Variants in ADAT1 observed in about 807,000 individuals in gnomAD.
ADAT1 encodes the protein tRNA-specific adenosine deaminase 1.
In ADAT1, 58 loss-of-function variants were observed where a neutral mutation model predicts 58.6. That is an observed-to-expected ratio of 0.99 (90% CI 0.80 to 1.23). The LOEUF (loss-of-function observed/expected upper bound fraction) is 1.23, where lower values mean the gene tolerates loss of function less well. ADAT1 is among the 50% of genes most tolerant of loss of function. The pLI is 0.00. For synonymous variants in ADAT1, 254 were observed against 220.8 expected (o/e 1.15, Z -1.33); for missense variants, 741 against 608.6 (o/e 1.22, Z -2.29).
chr16:75,600,110 G>A lies in ADAT1; in HGVS notation c.*106C>T, dbSNP rs1406666256. 1 of 1,544,908 alleles carries A rather than the reference G, an allele frequency of 6.5e-7. No homozygotes were observed. ...TTACACAACAGAGATGCAAAGCTCA[G>A]AAAGAATGTTCCCTGATTTAACTAC... On this transcript the variant is annotated 3_prime_UTR_variant, in exon 10 of 10. Transcript: ENST00000564657.
intron 8 of ADAT1, among the ~76,000 whole-genome samples, chr16:75,603,970 T>TA (rs1249352397): frequency 6.6e-6 from 1 of 152,148 alleles, no homozygotes; most frequent in Non-Finnish European, 1.5e-5. Flanking sequence ...GAACCTAGCC[T>TA]ACTTCAGGAA....
intron 5 of ADAT1, 38 bp from the exon 6 acceptor site, chr16:75,612,899 A>G (rs372626717): frequency 6.3e-7 from 1 of 1,588,456 alleles, no homozygotes; most frequent in South Asian, 1.2e-5. Context: ...ATGGTTCTCA[A>G]GTGAGGTCCC....
At position 75,598,325 on chromosome 16, in the gene ADAT1, C is replaced by T. The variant is rs984343590; in HGVS notation, c.*1891G>A. 2 of 277,208 alleles carry T rather than the reference C, an allele frequency of 7.2e-6. No individual in the cohort carries two copies. Among genetic ancestry groups the T allele is most frequent in the South Asian group, 2.7e-5 (1 of 37,444 alleles). The allele number at this position is 277,208 out of a possible 1,614,324, so 17.2% of individuals were successfully genotyped here. On this transcript the variant is annotated 3_prime_UTR_variant, in exon 10 of 10. Coordinates refer to ENST00000564657, the MANE Select transcript of ADAT1 (RefSeq NM_001324445.2). The stretch of plus-strand genomic sequence containing the variant: ...TCCTGACGTCGTGATCTGCCCACCT[C>T]GGCCTCCTAAAGTGTTGGGATTACA...
chr16:75,615,844 A>T (rs1351971952), intron 5 of ADAT1, among the ~76,000 whole-genome samples: 1 of 152,166 alleles, frequency 6.6e-6, no homozygotes, highest in Admixed American at 6.5e-5. Flanking sequence ...ATTCATGTGC[A>T]TATTACAGCT....
rs1164341288 is a variant in ADAT1, at chr16:75,599,844, T to G, written c.*372A>C. 1.0e-6 allele frequency: 1 copy of G among 1,000,692 alleles called. No individual in the cohort carries two copies. Among genetic ancestry groups the G allele is most frequent in the Non-Finnish European group, 1.2e-6 (1 of 839,948 alleles). 62.0% of individuals were successfully genotyped at this position (1,000,692 alleles called of 1,614,324 possible). A position where few individuals can be genotyped will look rare whatever the true frequency, so the allele number is the denominator to read the frequency against. On this transcript the variant is annotated 3_prime_UTR_variant, in exon 10 of 10. Transcript: ENST00000564657. ...CTATGCTAGGCAAAGCTGTAAAACT[T>G]GCAGAGCGTCAAACATCATTTCAGC...
intron 8 of ADAT1, among the ~76,000 whole-genome samples, chr16:75,604,508 CACACACACACATAT>C (rs2081319711): frequency 1.5e-5 from 2 of 134,986 alleles, no homozygotes; most frequent in African/African-American, 5.8e-5. Context: ...CACACACACA[CACACACACACATAT>C]ATACATATAT....
chr16:75,610,283 T>C (rs1211627534), intron 6 of ADAT1, among the ~76,000 whole-genome samples: 1 of 152,186 alleles, frequency 6.6e-6, no homozygotes, highest in Non-Finnish European at 1.5e-5. Flanking sequence ...CAGGTTTTTG[T>C]TATATACATA....
Position 75,620,629 on chromosome 16 carries a change from A to C in ADAT1, c.169+2T>G. 2 of 1,612,558 alleles carry C rather than the reference A, an allele frequency of 1.2e-6. No homozygotes were observed. The highest frequency in any genetic ancestry group is 1.7e-6 in the Non-Finnish European group (2 of 1,179,830). ...GAGCATGCCAAGAAGAAAAAGTCTC[A>C]CCTTGCACCGGCTTATCAGGGGTGT... is the stretch of plus-strand genomic sequence containing the variant. On this transcript the variant is annotated splice_donor_variant, in intron 2 of 9. Coordinates refer to ENST00000564657, the MANE Select transcript of ADAT1 (RefSeq NM_001324445.2). LOFTEE classifies it high-confidence loss of function.
chr16:75,616,164 A>G (rs1005327573), intron 5 of ADAT1, among the ~76,000 whole-genome samples: 1 of 151,958 alleles, frequency 6.6e-6, no homozygotes, highest in African/African-American at 2.4e-5. Context: ...ATGCACCACC[A>G]TGCCCAGCTA....
intron 8 of ADAT1, among the ~76,000 whole-genome samples, chr16:75,607,360 G>A (rs73615046): frequency 0.057 from 8,716 of 152,008 alleles, 829 homozygotes; most frequent in African/African-American, 0.2. Context: ...AGAATTAGCC[G>A]GTGTGGTAGA....
At chr16:75,613,405 C>G (rs2081610731) in intron 5 of ADAT1, among the ~76,000 whole-genome samples, 1 of 152,096 alleles carries the variant, frequency 6.6e-6, no homozygotes, top group South Asian at 2.1e-4. Flanking sequence ...GGGTTCAAGT[C>G]ATTCTCCTGC....
intron 6 of ADAT1, among the ~76,000 whole-genome samples, 178 bp downstream of exon 6, chr16:75,612,065 C>CA (rs1380187916): frequency 4.6e-5 from 7 of 150,792 alleles, no homozygotes; most frequent in East Asian, 3.9e-4. Flanking sequence ...CTCTAAAAAA[C>CA]AAAAAAAAAT....
chr16:75,599,976 A>G lies in ADAT1; in HGVS notation c.*240T>C. ...CTCTGATTTCATATTTTAGAGAAGC[A>G]ATAAAACACAATGGAAGTCAGATAG... On this transcript the variant is annotated 3_prime_UTR_variant, in exon 10 of 10. Transcript: ENST00000564657. 8.0e-7 allele frequency: 1 copy of G among 1,245,714 alleles called. No homozygotes were observed. Among genetic ancestry groups the G allele is most frequent in the Non-Finnish European group, 1.0e-6 (1 of 990,988 alleles). 77.2% of individuals were successfully genotyped at this position (1,245,714 alleles called of 1,614,324 possible).
chr16:75,620,671 T>G lies in ADAT1; in HGVS notation c.129A>C (p.Pro43=), dbSNP rs200343519. The change falls in exon 2 of 10, where the codon CCA becomes CCC. Residue 43 remains proline (P), a synonymous_variant. Transcript: ENST00000564657. ...CAGGGGTGTCGCAGGCCTTGTCAGC[T>G]GGAGATTGTATCTTCACCACCGCTG... The part of the protein sequence containing the change: ...LLAAVVKIQS[P]ADKACDTPDK... 196 of 1,613,880 alleles carry G rather than the reference T, an allele frequency of 1.2e-4. No individual in the cohort carries two copies. The highest frequency in any genetic ancestry group is 5.9e-6 in the Non-Finnish European group (7 of 1,180,028).
chr16:75,610,928 C>A (rs1283260339), intron 6 of ADAT1, among the ~76,000 whole-genome samples: 4 of 152,036 alleles, frequency 2.6e-5, no homozygotes, highest in African/African-American at 9.7e-5. Flanking sequence ...CCTGGGTAAC[C>A]CAATAACACC....
chr16:75,612,277 T>C lies in ADAT1; in HGVS notation c.1009A>G (p.Ser337Gly), dbSNP rs1454823911. 1 of 1,614,032 alleles carries C rather than the reference T, an allele frequency of 6.2e-7. No homozygotes were observed. The highest frequency in any genetic ancestry group is 2.2e-5 in the East Asian group (1 of 44,882). The change falls in exon 6 of 10, where the codon AGC becomes GGC. Residue 337 changes from serine to glycine, a missense_variant. Coordinates refer to ENST00000564657, the MANE Select transcript of ADAT1 (RefSeq NM_001324445.2). ...SAVVIGKCPY[S>G]QEAMQRALIG... Reference sequence around the variant, plus strand: ...AGTGCTCTCTGCATGGCTTCCTGGCTGTATGGGCACTTCCCAATGACCACA... The same window carrying C: ...AGTGCTCTCTGCATGGCTTCCTGGCCGTATGGGCACTTCCCAATGACCACA...
chr16:75,617,970 G>A (rs992876804), intron 4 of ADAT1, among the ~76,000 whole-genome samples: 6 of 149,866 alleles, frequency 4.0e-5, no homozygotes, highest in South Asian at 2.1e-4. Context: ...GGTGGCATGC[G>A]CCTGTAACCC....
At chr16:75,621,070 G>C (rs904174975) in intron 1 of ADAT1, among the ~76,000 whole-genome samples, 1 of 151,792 alleles carries the variant, frequency 6.6e-6, no homozygotes, top group Non-Finnish European at 1.5e-5. Context: ...TTATATATCT[G>C]ATACATTTCT....
At position 75,598,204 on chromosome 16, in the gene ADAT1, G is replaced by C. The variant is rs1303695876; in HGVS notation, c.*2012C>G. On this transcript the variant is annotated 3_prime_UTR_variant, in exon 10 of 10. Transcript: ENST00000564657. ...AGATTCTTCTGCCTCAGCCTCCTGA[G>C]TAGTTGGGACTATAGGCGTGCGCCA... 3.2e-6 allele frequency: 1 copy of C among 313,550 alleles called. No individual in the cohort carries two copies. Among genetic ancestry groups the C allele is most frequent in the Non-Finnish European group, 6.3e-6 (1 of 158,322 alleles). The allele number at this position is 313,550 out of a possible 1,614,324, so 19.4% of individuals were successfully genotyped here.
Sources: allele counts gnomAD v4.1 joint callset (sites outside exome capture counted in the v4.1 genomes callset), GRCh38; gene constraint gnomAD v4.1.1; transcripts MANE v1.5; gene names NCBI Gene and HGNC (gene_info 2026-07-23, HGNC 2026-07-21).